RANBP2: variants seen among roughly 807,000 people sequenced by gnomAD.
RANBP2 encodes RAN binding protein 2, also known as E3 SUMO-protein ligase RanBP2.
In RANBP2, 57 loss-of-function variants were observed where a neutral mutation model predicts 303.6. The ratio of observed to expected loss-of-function variants is 0.19; its 90% CI spans 0.15 to 0.23. The LOEUF (loss-of-function observed/expected upper bound fraction) is 0.23. RANBP2 is among the 10% of genes least tolerant of loss of function. RANBP2 has a pLI of 1.00. For missense variants in RANBP2, 3,138 were observed against 3,780.8 expected (o/e 0.83, Z 4.46); for synonymous variants, 1,167 against 1,301.5 (o/e 0.90, Z 2.23).
chr2:108,928,640 G>A, the RANBP2 span, among the ~76,000 whole-genome samples: 1 of 152,202 alleles, frequency 6.6e-6, no homozygotes, highest in African/African-American at 2.4e-5. Context: ...GGGATTGAGA[G>A]TCTGTATTTT....
the RANBP2 span, among the ~76,000 whole-genome samples, chr2:109,357,216 CTG>C: frequency 1.5e-4 from 22 of 151,544 alleles, no homozygotes; most frequent in Admixed American, 1.4e-3. Context: ...GAGTCTTACT[CTG>C]TCGCCCAGGC....
the RANBP2 span, chr2:109,567,944 A>G: frequency 2.5e-6 from 4 of 1,613,254 alleles, no homozygotes; most frequent in Non-Finnish European, 3.4e-6. Flanking sequence ...TAGAAACCGT[A>G]TCTGCTTTGG....
chr2:109,284,111 C>A, the RANBP2 span, among the ~76,000 whole-genome samples: 1 of 152,152 alleles, frequency 6.6e-6, no homozygotes, highest in African/African-American at 2.4e-5. Context: ...AATGAAAGAC[C>A]TTGAACGAAC....
the RANBP2 span, among the ~76,000 whole-genome samples, chr2:109,051,316 T>C: frequency 6.6e-6 from 1 of 152,228 alleles, no homozygotes; most frequent in African/African-American, 2.4e-5. Flanking sequence ...CAGCTCATCC[T>C]GGCTTTTTTG....
the RANBP2 span, among the ~76,000 whole-genome samples, chr2:109,258,479 T>C: frequency 6.6e-6 from 1 of 152,168 alleles, no homozygotes; most frequent in Non-Finnish European, 1.5e-5. Flanking sequence ...AGCCCACACC[T>C]ACCAGGGCCA....
At chr2:108,786,008 A>G (rs964768175), downstream of RANBP2, among the ~76,000 whole-genome samples, 2 of 152,154 alleles carry the variant, frequency 1.3e-5, no homozygotes, top group Admixed American at 6.5e-5. Flanking sequence ...ATGAATGAGA[A>G]AAATGAAGTG....
the RANBP2 span, among the ~76,000 whole-genome samples, chr2:109,036,189 A>G: frequency 6.6e-6 from 1 of 152,232 alleles, no homozygotes; most frequent in South Asian, 2.1e-4. Context: ...CAACCTGAAT[A>G]GTTCCATAGC....
the RANBP2 span, among the ~76,000 whole-genome samples, chr2:109,455,502 T>A: frequency 6.7e-6 from 1 of 148,286 alleles, no homozygotes; most frequent in Non-Finnish European, 1.5e-5. Context: ...CCATTAAATA[T>A]ATGTATATCT....
the RANBP2 span, among the ~76,000 whole-genome samples, chr2:108,988,584 G>A: frequency 6.6e-6 from 1 of 152,124 alleles, no homozygotes; most frequent in East Asian, 1.9e-4. Flanking sequence ...TAGAGTCCCT[G>A]CCGCGCCTGC....
the RANBP2 span, among the ~76,000 whole-genome samples, chr2:109,323,122 A>T: frequency 4.6e-5 from 7 of 152,212 alleles, no homozygotes; most frequent in African/African-American, 1.7e-4. Flanking sequence ...GGCTCCCAGC[A>T]TATGCTCCAG....
the RANBP2 span, among the ~76,000 whole-genome samples, chr2:109,402,539 C>T: frequency 8.5e-5 from 13 of 152,212 alleles, no homozygotes; most frequent in South Asian, 2.1e-4. Context: ...CCAGGCTCCT[C>T]GGTGCCTACA....
chr2:109,177,430 AC>A, the RANBP2 span, among the ~76,000 whole-genome samples: 3 of 152,122 alleles, frequency 2.0e-5, no homozygotes, highest in Admixed American at 2.0e-4. Context: ...GATTTTTTAG[AC>A]TTGGGGCCTG....
At chr2:109,241,607 T>C in the RANBP2 span, among the ~76,000 whole-genome samples, 2 of 152,258 alleles carry the variant, frequency 1.3e-5, no homozygotes, top group African/African-American at 4.8e-5. Context: ...CTTGGTTCGG[T>C]CAGCTCTGCT....
chr2:109,319,067 TGG>T, the RANBP2 span, among the ~76,000 whole-genome samples: 2 of 152,202 alleles, frequency 1.3e-5, no homozygotes, highest in African/African-American at 2.4e-5. Context: ...GTATCCTGCC[TGG>T]AACAGCTCAC....
the RANBP2 span, among the ~76,000 whole-genome samples, chr2:108,879,606 T>C: frequency 6.6e-6 from 1 of 152,148 alleles, no homozygotes; most frequent in Non-Finnish European, 1.5e-5. Flanking sequence ...GAAAAATATA[T>C]TTTGGCCAGG....
At chr2:109,187,455 CTGT>C in the RANBP2 span, among the ~76,000 whole-genome samples, 1 of 152,036 alleles carries the variant, frequency 6.6e-6, no homozygotes, top group Non-Finnish European at 1.5e-5. Flanking sequence ...GAAGACGTTG[CTGT>C]TGTTGACAAT....
chr2:109,367,117 TA>T, the RANBP2 span, among the ~76,000 whole-genome samples: 4 of 133,262 alleles, frequency 3.0e-5, no homozygotes, highest in South Asian at 1.0e-3. Flanking sequence ...TGTGCCCTGG[TA>T]ATTTTTTTTT....
chr2:108,793,740 G>C, the RANBP2 span, among the ~76,000 whole-genome samples: 1 of 151,770 alleles, frequency 6.6e-6, no homozygotes, highest in Non-Finnish European at 1.5e-5. Context: ...GGGACTACAG[G>C]CACCCGCCAT....
At chr2:108,756,094 G>T (rs1422885945) in intron 17 of RANBP2, among the ~76,000 whole-genome samples, 2 of 152,124 alleles carry the variant, frequency 1.3e-5, no homozygotes, top group East Asian at 3.9e-4. Context: ...GACCTTCAAA[G>T]GTAGAAACTG....
Sources: gnomAD v4.1 joint callset for allele counts (sites outside exome capture counted in the v4.1 genomes callset) on GRCh38, gnomAD v4.1.1 for gene constraint, MANE v1.5 for transcripts, NCBI Gene and HGNC (gene_info 2026-07-23, HGNC 2026-07-21) for gene names.